Variants in DPP10 observed in about 807,000 individuals in gnomAD.
DPP10 encodes the protein dipeptidyl peptidase like 10.
DPP10 carries 33 observed loss-of-function variants against 120.9 expected under a neutral mutation model. The observed-to-expected ratio is 0.27, with a 90% CI of 0.21 to 0.37. DPP10 has a LOEUF of 0.37. DPP10 is among the 10% of genes least tolerant of loss of function. DPP10 has a pLI of 1.00. For missense variants in DPP10, 816 were observed against 942.8 expected, an observed-to-expected ratio of 0.87 and a Z score of 1.76; for synonymous variants, 337 against 326.1, an observed-to-expected ratio of 1.03 and a Z score of -0.36.
At chr2:114,532,296 T>TACACACACACACAC (rs56653562) in intron 1 of DPP10, among the ~76,000 whole-genome samples, 39 of 74,772 alleles carry the variant, frequency 5.2e-4, no homozygotes, top group African/African-American at 2.5e-3. Context: ...TATATATATA[T>TACACACACACACAC]ACACACACAC....
At chr2:115,044,738 A>G (rs896315934) in intron 1 of DPP10, among the ~76,000 whole-genome samples, 14 of 152,164 alleles carry the variant, frequency 9.2e-5, no homozygotes, top group Non-Finnish European at 2.1e-4. Flanking sequence ...GTACTCGTTA[A>G]CCATTCTCAG....
intron 5 of DPP10, among the ~76,000 whole-genome samples, chr2:115,581,590 A>G (rs1265153796): frequency 6.6e-6 from 1 of 152,180 alleles, no homozygotes; most frequent in East Asian, 1.9e-4. Flanking sequence ...CTGGCCCTAT[A>G]AAATTATAGG....
intron 5 of DPP10, among the ~76,000 whole-genome samples, chr2:115,624,046 T>C (rs1043046850): frequency 2.0e-5 from 3 of 151,840 alleles, no homozygotes; most frequent in Non-Finnish European, 2.9e-5. Flanking sequence ...TTAGTTATGG[T>C]AATGTCAATT....
At chr2:115,656,133 A>AACACACACACAC (rs146572509) in intron 5 of DPP10, among the ~76,000 whole-genome samples, 7 of 143,322 alleles carry the variant, frequency 4.9e-5, no homozygotes, top group African/African-American at 1.8e-4. Context: ...GTTCTTACCA[A>AACACACACACAC]ACACACACAC....
intron 5 of DPP10, among the ~76,000 whole-genome samples, chr2:115,565,332 A>G (rs947060284): frequency 2.6e-5 from 4 of 152,210 alleles, no homozygotes; most frequent in African/African-American, 9.6e-5. Flanking sequence ...ACATACATTA[A>G]TATATAGCTA....
intron 1 of DPP10, among the ~76,000 whole-genome samples, chr2:114,495,640 T>C (rs183797419): frequency 1.3e-5 from 2 of 152,208 alleles, no homozygotes; most frequent in East Asian, 1.9e-4. Context: ...TCTGTAAGTA[T>C]GCCAAAAGAA....
intron 9 of DPP10, among the ~76,000 whole-genome samples, chr2:115,745,243 GT>G (rs75302585): frequency 0.41 from 60,957 of 149,844 alleles, 15,943 homozygotes; most frequent in East Asian, 0.64. Context: ...ACGTTGCACT[GT>G]TTGCTTAGAT....
intron 3 of DPP10, among the ~76,000 whole-genome samples, chr2:115,432,660 TGTG>T (rs1347451512): frequency 0.074 from 1,588 of 21,414 alleles, 16 homozygotes; most frequent in Middle Eastern, 0.11. Context: ...TAGGCAATTT[TGTG>T]TGTGTGTGTG....
chr2:114,783,954 C>A (rs541824225), intron 1 of DPP10, among the ~76,000 whole-genome samples: 2 of 152,080 alleles, frequency 1.3e-5, no homozygotes, highest in African/African-American at 4.8e-5. Context: ...CTCCAATGAC[C>A]CATTTCTGCC....
At chr2:114,446,005 G>A (rs1677922104) in intron 1 of DPP10, among the ~76,000 whole-genome samples, 1 of 152,148 alleles carries the variant, frequency 6.6e-6, no homozygotes, top group Non-Finnish European at 1.5e-5. Context: ...TTCCTGTGAA[G>A]GTAGCAACAT....
intron 1 of DPP10, among the ~76,000 whole-genome samples, chr2:114,996,484 A>G (rs913741017): frequency 6.6e-6 from 1 of 152,222 alleles, no homozygotes; most frequent in Non-Finnish European, 1.5e-5. Context: ...ATAAAATTAT[A>G]TGAAACACAT....
At chr2:114,777,027 A>G (rs533664318) in intron 1 of DPP10, among the ~76,000 whole-genome samples, 4 of 152,302 alleles carry the variant, frequency 2.6e-5, no homozygotes, top group African/African-American at 9.6e-5. Context: ...ACATAACTAT[A>G]TAATATATAC....
intron 3 of DPP10, among the ~76,000 whole-genome samples, chr2:115,414,493 A>G (rs971032244): frequency 1.3e-5 from 2 of 152,200 alleles, no homozygotes; most frequent in Non-Finnish European, 2.9e-5. Context: ...TGTAAAATAT[A>G]TCAGAGAAGT....
intron 9 of DPP10, among the ~76,000 whole-genome samples, chr2:115,740,705 T>C (rs1003425717): frequency 2.0e-5 from 3 of 152,142 alleles, no homozygotes; most frequent in Admixed American, 2.0e-4. Context: ...ATCTGGATTG[T>C]ACTGTTTTTT....
chr2:115,433,159 T>C (rs1445899084), intron 3 of DPP10, among the ~76,000 whole-genome samples: 6 of 152,156 alleles, frequency 3.9e-5, no homozygotes. Context: ...TTTTTATTAG[T>C]GTTATTTTCC....
chr2:115,268,233 T>C (rs905050959), intron 1 of DPP10, among the ~76,000 whole-genome samples: 2 of 152,158 alleles, frequency 1.3e-5, no homozygotes, highest in Non-Finnish European at 2.9e-5. Context: ...GTTCTTAGAA[T>C]AACCCACCAG....
At chr2:115,636,846 C>T (rs550839955) in intron 5 of DPP10, among the ~76,000 whole-genome samples, 2 of 152,058 alleles carry the variant, frequency 1.3e-5, no homozygotes, top group South Asian at 4.2e-4. Flanking sequence ...TGCTCACATC[C>T]CTTATCATAA....
intron 1 of DPP10, among the ~76,000 whole-genome samples, chr2:114,465,360 C>T (rs1406528803): frequency 6.6e-6 from 1 of 152,158 alleles, no homozygotes; most frequent in East Asian, 1.9e-4. Context: ...TGATTTTTCC[C>T]AGTGGAACTC....
chr2:114,836,709 C>G (rs116387962), intron 1 of DPP10, among the ~76,000 whole-genome samples: 1 of 152,018 alleles, frequency 6.6e-6, no homozygotes, highest in African/African-American at 2.4e-5. Flanking sequence ...ATGTATTAGG[C>G]GGGAATTTCC....
Sources: allele counts gnomAD v4.1 joint callset (sites outside exome capture counted in the v4.1 genomes callset), GRCh38; gene constraint gnomAD v4.1.1; transcripts MANE v1.5; gene names NCBI Gene and HGNC (gene_info 2026-07-23, HGNC 2026-07-21).